The following CCDC178 variants were observed in gnomAD, a reference collection of about 807,000 sequenced individuals.
CCDC178 encodes the protein coiled-coil domain containing 178.
A neutral mutation model predicts 117.4 loss-of-function variants in CCDC178; 126 were observed. The observed-to-expected ratio is 1.07, with a 90% CI of 0.93 to 1.24. The LOEUF (loss-of-function observed/expected upper bound fraction) is 1.24, where lower values mean the gene tolerates loss of function less well. CCDC178 is among the 50% of genes most tolerant of loss of function. The pLI is 0.00. For synonymous variants in CCDC178, 283 were observed against 313.4 expected, an observed-to-expected ratio of 0.90 and a Z score of 1.02; for missense variants, 1,030 against 986.9, an observed-to-expected ratio of 1.04 and a Z score of -0.59.
intron 21 of CCDC178, among the ~76,000 whole-genome samples, chr18:33,068,803 C>G (rs2057062189): frequency 6.6e-6 from 1 of 152,092 alleles, no homozygotes; most frequent in Non-Finnish European, 1.5e-5. Flanking sequence ...CAACATGGTA[C>G]TGGATGTCCT....
intron 20 of CCDC178, among the ~76,000 whole-genome samples, chr18:33,139,430 T>A (rs960397716): frequency 6.6e-6 from 1 of 152,168 alleles, no homozygotes; most frequent in African/African-American, 2.4e-5. Context: ...TAGAGACTTG[T>A]TGAATGGCTT....
At chr18:33,044,344 C>A (rs866060220) in intron 21 of CCDC178, among the ~76,000 whole-genome samples, 2 of 151,928 alleles carry the variant, frequency 1.3e-5, no homozygotes, top group Admixed American at 6.6e-5. Context: ...AGCTTCAATG[C>A]AATCTTTATC....
At position 33,005,648 on chromosome 18, in the gene CCDC178, T is replaced by C. The variant is rs149175663; in HGVS notation, c.2389-30967A>G. The stretch of plus-strand genomic sequence containing the variant: ...GTGACACAAAGAAAGGATAAATGCT[T>C]GAGGTAATGGATACCTAATTTACTC... On this transcript the variant is annotated intron_variant, in intron 21 of 22. Coordinates refer to ENST00000383096, the MANE Select transcript of CCDC178 (RefSeq NM_001105528.4). 9.9e-5 allele frequency among the ~76,000 whole-genome samples: 15 copies of C among 152,216 alleles called. No individual in the cohort carries two copies. In the East Asian group the frequency reaches 2.9e-3, roughly 29 times the overall value.
intron 4 of CCDC178, among the ~76,000 whole-genome samples, chr18:33,393,723 A>T (rs892880322): frequency 6.6e-6 from 1 of 152,146 alleles, no homozygotes; most frequent in East Asian, 1.9e-4. Context: ...TATTTATTTA[A>T]ATCTATTTTT....
intron 6 of CCDC178, among the ~76,000 whole-genome samples, chr18:33,360,666 T>C (rs2063113170): frequency 6.6e-6 from 1 of 151,548 alleles, no homozygotes; most frequent in Non-Finnish European, 1.5e-5. Flanking sequence ...AGTTGCAAGA[T>C]ACAAAATCAA....
chr18:32,953,353 A>T (rs1034237960), intron 22 of CCDC178, among the ~76,000 whole-genome samples: 2 of 152,168 alleles, frequency 1.3e-5, no homozygotes, highest in African/African-American at 2.4e-5. Flanking sequence ...GTCTCTAGGA[A>T]TTTCCAATCT....
intron 9 of CCDC178, among the ~76,000 whole-genome samples, chr18:33,341,908 A>G (rs1371635119): frequency 2.0e-5 from 3 of 152,228 alleles, no homozygotes; most frequent in Non-Finnish European, 4.4e-5. Context: ...TTTGGGCTTA[A>G]ACAGTTTGGC....
intron 5 of CCDC178, among the ~76,000 whole-genome samples, chr18:33,372,902 A>T (rs942760241): frequency 6.6e-6 from 1 of 152,076 alleles, no homozygotes; most frequent in Non-Finnish European, 1.5e-5. Flanking sequence ...TACCCCAATT[A>T]TTCTATCATC....
At chr18:33,240,143 G>C (rs948221414) in intron 15 of CCDC178, among the ~76,000 whole-genome samples, 5 of 151,508 alleles carry the variant, frequency 3.3e-5, no homozygotes, top group African/African-American at 1.2e-4. Flanking sequence ...AAGACCAATG[G>C]GTGAAGGAAG....
At chr18:33,132,484 C>A (rs2058077681) in intron 20 of CCDC178, among the ~76,000 whole-genome samples, 1 of 151,536 alleles carries the variant, frequency 6.6e-6, no homozygotes, top group African/African-American at 2.4e-5. Context: ...GACTGGGTTT[C>A]AAGTGTTTTA....
At chr18:33,204,985 T>C (rs1219488570) in intron 20 of CCDC178, among the ~76,000 whole-genome samples, 1 of 152,132 alleles carries the variant, frequency 6.6e-6, no homozygotes, top group South Asian at 2.1e-4. Flanking sequence ...GGGGCCAAAT[T>C]GTTCATATTG....
At chr18:33,102,771 A>G (rs1177539565) in intron 20 of CCDC178, among the ~76,000 whole-genome samples, 2 of 151,786 alleles carry the variant, frequency 1.3e-5, no homozygotes, top group African/African-American at 2.4e-5. Flanking sequence ...AACTAATTTA[A>G]TCTTGGTATA....
At chr18:33,037,437 G>A in intron 21 of CCDC178, among the ~76,000 whole-genome samples, 1 of 151,854 alleles carries the variant, frequency 6.6e-6, no homozygotes, top group East Asian at 1.9e-4. Flanking sequence ...TCATTGATAA[G>A]CTCTAACTAG....
At chr18:33,227,223 A>G (rs764368642) in intron 15 of CCDC178, among the ~76,000 whole-genome samples, 115 of 151,944 alleles carry the variant, frequency 7.6e-4, no homozygotes, top group Middle Eastern at 3.5e-3. Flanking sequence ...AAAACAAGAT[A>G]GATGCAAGTC....
chr18:33,093,943 A>G (rs574772038), intron 20 of CCDC178, among the ~76,000 whole-genome samples: 96 of 152,194 alleles, frequency 6.3e-4, no homozygotes, highest in African/African-American at 2.1e-3. Context: ...AGCAATTAAA[A>G]TTGTTTCTTT....
chr18:33,323,386 T>A (rs1250997775), intron 11 of CCDC178, 105 bp downstream of exon 11: 1 of 676,332 alleles, frequency 1.5e-6, no homozygotes, highest in Non-Finnish European at 2.1e-6. Flanking sequence ...ATTTAAAATT[T>A]TATTTTTCTC....
intron 21 of CCDC178, among the ~76,000 whole-genome samples, chr18:33,031,254 T>G (rs76758820): frequency 2.6e-5 from 4 of 150,994 alleles, no homozygotes; most frequent in Non-Finnish European, 5.9e-5. Context: ...TTTTTTTTTT[T>G]AAATGGAGTC....
intron 22 of CCDC178, among the ~76,000 whole-genome samples, chr18:32,965,770 A>T (rs2054798635): frequency 6.6e-6 from 1 of 151,588 alleles, no homozygotes; most frequent in South Asian, 2.1e-4. Flanking sequence ...AATATATTTG[A>T]AAAACATGCC....
At chr18:32,988,470 A>G (rs927926823) in intron 21 of CCDC178, among the ~76,000 whole-genome samples, 21 of 152,164 alleles carry the variant, frequency 1.4e-4, no homozygotes, top group African/African-American at 5.1e-4. Context: ...TTAATTCTTT[A>G]ATACTGATTG....
Sources: gnomAD v4.1 joint callset for allele counts (sites outside exome capture counted in the v4.1 genomes callset) on GRCh38, gnomAD v4.1.1 for gene constraint, MANE v1.5 for transcripts, NCBI Gene and HGNC (gene_info 2026-07-23, HGNC 2026-07-21) for gene names.